The following ZNF813 variants were observed in gnomAD, a reference collection of about 807,000 sequenced individuals.
The protein encoded by ZNF813 is zinc finger protein 813.
In ZNF813, 3 loss-of-function variants were observed where a neutral mutation model predicts 7.2. The observed-to-expected ratio is 0.42, with a 90% CI of 0.19 to 1.08. The LOEUF (loss-of-function observed/expected upper bound fraction) is 1.08, where lower values mean the gene tolerates loss of function less well. Ranked by LOEUF, ZNF813 falls within the 50% of genes least tolerant of loss-of-function variation. The probability of loss-of-function intolerance (pLI) is 0.30; values close to 1 mark genes in which losing one functional copy is unlikely to be tolerated. For synonymous variants in ZNF813, 227 were observed against 256.3 expected, an observed-to-expected ratio of 0.89 and a Z score of 1.09; for missense variants, 714 against 753.3, an observed-to-expected ratio of 0.95 and a Z score of 0.61.
At position 53,493,350 on chromosome 19, in the gene ZNF813, TTA is replaced by T. The variant is rs1434138226; in HGVS notation, c.*1268_*1269del. The T allele has an allele frequency of 1.9e-5, 3 of 155,674 alleles. No homozygotes were observed. The highest frequency in any genetic ancestry group is 2.9e-5 in the Non-Finnish European group (2 of 70,096). 9.6% of individuals were successfully genotyped at this position (155,674 alleles called of 1,614,324 possible). ...AATTTTTCCAATCCATCAATATGGG[TTA>T]TATGTCTGTATATGTTTTTAATCAT... On this transcript the variant is annotated 3_prime_UTR_variant, in exon 4 of 4. Coordinates refer to ENST00000396403, the MANE Select transcript of ZNF813 (RefSeq NM_001004301.4).
chr19:53,468,858 T>G (rs572987077), intron 1 of ZNF813, among the ~76,000 whole-genome samples: 72 of 150,234 alleles, frequency 4.8e-4, no homozygotes, highest in South Asian at 1.9e-3. Context: ...TTATCTCAAC[T>G]GCAAAGAGGC....
At chr19:53,489,497 G>A (rs12608802) in intron 3 of ZNF813, among the ~76,000 whole-genome samples, 1 of 151,672 alleles carries the variant, frequency 6.6e-6, no homozygotes, top group Non-Finnish European at 1.5e-5. Flanking sequence ...AGGTACTCAG[G>A]AGGCTGAGGC....
At chr19:53,474,624 G>A (rs2086373954) in intron 1 of ZNF813, among the ~76,000 whole-genome samples, 1 of 152,034 alleles carries the variant, frequency 6.6e-6, no homozygotes, top group Admixed American at 6.5e-5. Flanking sequence ...GGGAAGCAGA[G>A]GTTGCAGTGA....
intron 1 of ZNF813, among the ~76,000 whole-genome samples, chr19:53,471,363 T>A (rs187016031): frequency 6.6e-6 from 1 of 152,192 alleles, no homozygotes; most frequent in Non-Finnish European, 1.5e-5. Context: ...TTGGATGAGG[T>A]GATCTGGAGT....
At chr19:53,474,187 T>A (rs1417644574) in intron 1 of ZNF813, among the ~76,000 whole-genome samples, 2 of 152,168 alleles carry the variant, frequency 1.3e-5, no homozygotes, top group African/African-American at 4.8e-5. Flanking sequence ...TTGAAAAAGG[T>A]ACAAATAAGC....
chr19:53,490,731 T>C lies in ZNF813; in HGVS notation c.499T>C (p.Ser167Pro). 1.2e-6 allele frequency: 2 copies of C among 1,614,174 alleles called. No individual in the cohort carries two copies. The highest frequency in any genetic ancestry group is 1.7e-6 in the Non-Finnish European group (2 of 1,180,038). ...GAAAATTGGTAATCAAGTGGAGAAG[T>C]CTATCAACGATGCTTCCTCAATTTC... ...QGKIGNQVEK[S>P]INDASSISTS... Residue 167 changes from serine to proline, a missense_variant, in exon 4 of 4, where the codon TCT becomes CCT. Physicochemically the swap from Ser to Pro is moderately conservative, Grantham distance 74. Around this residue, in one of 3 missense-constraint regions of ZNF813, gnomAD observed 563 missense variants for 554.2 expected, o/e 1.02. Transcript: ENST00000396403.
rs754138235 is a variant in ZNF813, at chr19:53,496,026, C to T, written c.*3940C>T. The T allele has an allele frequency of 2.9e-5, 10 of 346,192 alleles. No individual in the cohort carries two copies. Among genetic ancestry groups the T allele is most frequent in the East Asian group, 1.6e-4 (2 of 12,432 alleles). The allele number at this position is 346,192 out of a possible 1,614,324, so 21.4% of individuals were successfully genotyped here. A position where few individuals can be genotyped will look rare whatever the true frequency, so the allele number is the denominator to read the frequency against. On this transcript the variant is annotated 3_prime_UTR_variant, in exon 4 of 4. Coordinates refer to ENST00000396403, the MANE Select transcript of ZNF813 (RefSeq NM_001004301.4). Reference sequence around the variant, plus strand: ...AAGGAGACATTGGAGAAGAACGAAGCGGGGTCTATAAGGAATTGCACGTGA... The same window carrying T: ...AAGGAGACATTGGAGAAGAACGAAGTGGGGTCTATAAGGAATTGCACGTGA...
At chr19:53,490,118 C>T (rs2086451928) in intron 3 of ZNF813, among the ~76,000 whole-genome samples, 1 of 152,100 alleles carries the variant, frequency 6.6e-6, no homozygotes, top group Non-Finnish European at 1.5e-5. Context: ...GAAAAATACT[C>T]CTTACTTTAG....
intron 1 of ZNF813, among the ~76,000 whole-genome samples, chr19:53,478,092 G>C (rs547294193): frequency 6.6e-6 from 1 of 152,028 alleles, no homozygotes; most frequent in Non-Finnish European, 1.5e-5. Flanking sequence ...TTCCCTTTTC[G>C]CAGGGCTGGG....
Position 53,492,487 on chromosome 19 carries a change from C to T in ZNF813, c.*401C>T, listed in dbSNP as rs1431428503. 12 of 434,360 alleles carry T rather than the reference C, an allele frequency of 2.8e-5. No homozygotes were observed. Among genetic ancestry groups the T allele is most frequent in the Admixed American group, 1.5e-4 (5 of 33,106 alleles). The allele number at this position is 434,360 out of a possible 1,614,324, so 26.9% of individuals were successfully genotyped here. Reference sequence around the variant, plus strand: ...TTGTAAGAGTTCGTGACAAGGCTTTCGGGCATGACTCACACCTGGCACAAC... The same window carrying T: ...TTGTAAGAGTTCGTGACAAGGCTTTTGGGCATGACTCACACCTGGCACAAC... On this transcript the variant is annotated 3_prime_UTR_variant, in exon 4 of 4. Transcript: ENST00000396403.
At chr19:53,489,749 A>G (rs1423104528) in intron 3 of ZNF813, among the ~76,000 whole-genome samples, 1 of 152,132 alleles carries the variant, frequency 6.6e-6, no homozygotes, top group Non-Finnish European at 1.5e-5. Context: ...CCCAGGCTGA[A>G]GTACAGTGTT....
rs1209973021 is a variant in ZNF813 at position 53,493,478 on chromosome 19, T to A, written c.*1392T>A. The stretch of plus-strand genomic sequence containing the variant: ...TAGCAAATGGAAGTGTTTTTAAATT[T>A]TCTTTTAAAATTGTTTATTGTTACA... On this transcript the variant is annotated 3_prime_UTR_variant, in exon 4 of 4. Transcript: ENST00000396403. 1.3e-5 allele frequency: 2 copies of A among 151,872 alleles called. No homozygotes were observed. The highest frequency in any genetic ancestry group is 4.9e-5 in the African/African-American group (2 of 40,800). The allele number at this position is 151,872 out of a possible 1,614,324, so 9.4% of individuals were successfully genotyped here.
At chr19:53,486,564 C>G in intron 2 of ZNF813, 68 bp from the exon 3 acceptor site, 1 of 1,612,548 alleles carries the variant, frequency 6.2e-7, no homozygotes, top group African/African-American at 1.3e-5. Context: ...CCTCTCTCCT[C>G]TTCTCATTTT....
In ZNF813 at chr19:53,470,169, T is replaced by TTTTC. The variant is rs894898394; in HGVS notation, c.-74+2397_-74+2400dup. ...TCTTTCTTTCTTTCTTTTTCTTTTC[T>TTTTC]TTTCTTTCTTTCTTTCTTTCACTCT... is the stretch of plus-strand genomic sequence containing the variant. On this transcript the variant is annotated intron_variant, in intron 1 of 3. Transcript: ENST00000396403. 6.0e-4 allele frequency among the ~76,000 whole-genome samples: 28 copies of TTTTC among 46,758 alleles called. 1 individual carries two copies. Among genetic ancestry groups the TTTTC allele is most frequent in the East Asian group, 4.1e-3 (10 of 2,442 alleles). 30.7% of individuals were successfully genotyped at this position (46,758 alleles called of 152,430 possible).
rs1313695860 is a variant in ZNF813 at position 53,491,662 on chromosome 19, G to C, written c.1430G>C (p.Ser477Thr). ...TGTAATGAGTGTGGCAAGACGTTCA[G>C]TCGAATTTCAGCCCTCGTAATTCAT... ...YKCNECGKTF[S>T]RISALVIHTA... is the part of the protein sequence containing the mutation. The change falls in exon 4 of 4, where the codon AGT (serine) becomes ACT (threonine). Residue 477 changes from serine (S) to threonine (T), a missense_variant. Physicochemically the swap from Ser to Thr is moderately conservative, Grantham distance 58 (BLOSUM62 1). Around this residue, in one of 3 missense-constraint regions of ZNF813, gnomAD observed 563 missense variants for 554.2 expected, o/e 1.02. Transcript: ENST00000396403. 33 of 1,613,728 alleles carry C rather than the reference G, an allele frequency of 2.0e-5. No individual in the cohort carries two copies. The highest frequency in any genetic ancestry group is 2.7e-5 in the African/African-American group (2 of 74,882).
chr19:53,480,320 G>T, intron 1 of ZNF813: 2 of 672,378 alleles, frequency 3.0e-6, no homozygotes, highest in Non-Finnish European at 5.5e-6. Flanking sequence ...AACATTTAAG[G>T]GAATGTGAGC....
intron 1 of ZNF813, among the ~76,000 whole-genome samples, chr19:53,483,394 T>G (rs1374053441): frequency 6.6e-6 from 1 of 152,170 alleles, no homozygotes; most frequent in African/African-American, 2.4e-5. Flanking sequence ...TTCACCATGT[T>G]GCCCAGGCTG....
chr19:53,478,192 G>A (rs73047446), intron 1 of ZNF813, among the ~76,000 whole-genome samples: 4 of 152,046 alleles, frequency 2.6e-5, no homozygotes, highest in Non-Finnish European at 4.4e-5. Flanking sequence ...TAATATTTTG[G>A]GACAGGGCCT....
chr19:53,488,841 C>G (rs1162881932), intron 3 of ZNF813, among the ~76,000 whole-genome samples: 2 of 152,058 alleles, frequency 1.3e-5, no homozygotes, highest in African/African-American at 4.8e-5. Context: ...GAAGTTGTGG[C>G]TTTTTTCTTA....
Sources: gnomAD v4.1 joint callset for allele counts (sites outside exome capture counted in the v4.1 genomes callset) on GRCh38, gnomAD v4.1.1 for gene constraint, gnomAD v4.1.1 regional missense constraint, MANE v1.5 for transcripts, NCBI Gene and HGNC (gene_info 2026-07-23, HGNC 2026-07-21) for gene names.